Variants in LUZP2 observed in about 807,000 individuals in gnomAD.
LUZP2 encodes leucine zipper protein 2.
Under a neutral mutation model 51.6 loss-of-function variants are expected in LUZP2, and 52 were observed. The observed-to-expected ratio is 1.01, with a 90% CI of 0.81 to 1.27. The LOEUF is 1.27. Among genes scored for constraint, LUZP2 ranks in the 50% most tolerant of loss-of-function variants. The pLI, the probability that LUZP2 is intolerant of heterozygous loss-of-function variation, is 0.00. For missense variants in LUZP2, 436 were observed against 395.4 expected, an observed-to-expected ratio of 1.10 and a Z score of -0.87; for synonymous variants, 154 against 137.3, an observed-to-expected ratio of 1.12 and a Z score of -0.85.
chr11:24,604,187 G>T (rs1264273063), intron 1 of LUZP2, among the ~76,000 whole-genome samples: 1 of 151,690 alleles, frequency 6.6e-6, no homozygotes, highest in Non-Finnish European at 1.5e-5. Context: ...TAACAGTGTA[G>T]TCTGCTTTTT....
At chr11:24,834,169 C>T (rs1417981464) in intron 5 of LUZP2, among the ~76,000 whole-genome samples, 1 of 151,844 alleles carries the variant, frequency 6.6e-6, no homozygotes, top group Non-Finnish European at 1.5e-5. Context: ...TGGTGGTTTG[C>T]TGCACCTATC....
intron 3 of LUZP2, among the ~76,000 whole-genome samples, chr11:24,736,818 G>A (rs551714953): frequency 3.9e-5 from 6 of 151,994 alleles, no homozygotes; most frequent in Non-Finnish European, 7.4e-5. Flanking sequence ...GATGGAAGCT[G>A]TCACTCAGAA....
chr11:24,617,276 TG>T (rs1034962190), intron 1 of LUZP2, among the ~76,000 whole-genome samples: 13 of 152,140 alleles, frequency 8.5e-5, no homozygotes, highest in African/African-American at 2.9e-4. Flanking sequence ...TTTTTAACTT[TG>T]TTTTTTCTGT....
chr11:24,729,490 G>A (rs1030516281), intron 2 of LUZP2, among the ~76,000 whole-genome samples: 3 of 151,904 alleles, frequency 2.0e-5, no homozygotes, highest in Non-Finnish European at 4.4e-5. Context: ...ACAGAAATGG[G>A]AAAATTGTGT....
intron 5 of LUZP2, among the ~76,000 whole-genome samples, chr11:24,851,474 G>A (rs766189427): frequency 5.9e-5 from 9 of 152,248 alleles, no homozygotes; most frequent in Admixed American, 3.9e-4. Flanking sequence ...TAGTGGATAA[G>A]CTTTTTGATG....
At chr11:24,857,332 T>C (rs12276419) in intron 5 of LUZP2, among the ~76,000 whole-genome samples, 115 of 105,300 alleles carry the variant, frequency 1.1e-3, no homozygotes, top group African/African-American at 4.2e-3. Flanking sequence ...CACACACACA[T>C]ATATATATAA....
At chr11:24,673,479 G>T (rs1263213697) in intron 1 of LUZP2, among the ~76,000 whole-genome samples, 1 of 152,164 alleles carries the variant, frequency 6.6e-6, no homozygotes, top group Non-Finnish European at 1.5e-5. Context: ...GGTCATGGGT[G>T]TTAAGAGATT....
intron 9 of LUZP2, among the ~76,000 whole-genome samples, chr11:25,005,060 T>G (rs938386780): frequency 1.3e-5 from 2 of 152,192 alleles, no homozygotes; most frequent in African/African-American, 4.8e-5. Flanking sequence ...AGGTCTGCCT[T>G]GATCTGCTTT....
At chr11:24,905,812 T>C (rs537490221) in intron 5 of LUZP2, among the ~76,000 whole-genome samples, 179 bp from the exon 6 acceptor site, 2 of 152,328 alleles carry the variant, frequency 1.3e-5, no homozygotes, top group Admixed American at 6.5e-5. Context: ...CAAATTTTAA[T>C]TGAATAAAAA....
intron 5 of LUZP2, among the ~76,000 whole-genome samples, chr11:24,901,829 G>A (rs2133780030): frequency 6.6e-6 from 1 of 152,132 alleles, no homozygotes; most frequent in Non-Finnish European, 1.5e-5. Flanking sequence ...AGCTGTCTTT[G>A]CTATATTTTT....
chr11:24,773,021 T>G (rs1008311339), intron 5 of LUZP2, among the ~76,000 whole-genome samples: 1 of 151,930 alleles, frequency 6.6e-6, no homozygotes, highest in African/African-American at 2.4e-5. Context: ...AATTTTGGGG[T>G]GATACTATTA....
chr11:24,815,229 G>T (rs1850145578), intron 5 of LUZP2, among the ~76,000 whole-genome samples: 4 of 152,056 alleles, frequency 2.6e-5, no homozygotes. Context: ...TAATGTAATT[G>T]CAAAATGCAA....
chr11:24,879,242 CTG>C (rs1376962833), intron 5 of LUZP2, among the ~76,000 whole-genome samples: 2 of 152,158 alleles, frequency 1.3e-5, no homozygotes, highest in East Asian at 3.9e-4. Context: ...CCCTGCCCAG[CTG>C]ATCTCATTTA....
intron 1 of LUZP2, among the ~76,000 whole-genome samples, chr11:24,658,898 A>G (rs1855913300): frequency 6.6e-6 from 1 of 152,174 alleles, no homozygotes; most frequent in Admixed American, 6.6e-5. Flanking sequence ...TTAGAATGGC[A>G]ATCATTAAAA....
intron 1 of LUZP2, among the ~76,000 whole-genome samples, chr11:24,726,393 C>T (rs1395764336): frequency 6.6e-6 from 1 of 151,704 alleles, no homozygotes; most frequent in Non-Finnish European, 1.5e-5. Flanking sequence ...TTTACCAGCA[C>T]ATATTGAAAC....
chr11:24,584,653 C>T (rs1852995715), intron 1 of LUZP2, among the ~76,000 whole-genome samples: 1 of 152,088 alleles, frequency 6.6e-6, no homozygotes, highest in Non-Finnish European at 1.5e-5. Context: ...TGTGCTCTGG[C>T]ATGTGTGTGT....
At chr11:25,019,687 A>G (rs966571340) in intron 9 of LUZP2, among the ~76,000 whole-genome samples, 1 of 152,120 alleles carries the variant, frequency 6.6e-6, no homozygotes, top group Non-Finnish European at 1.5e-5. Flanking sequence ...TAGATGATGG[A>G]TTATTGTTTG....
At chr11:24,567,535 CA>C (rs1485263905) in intron 1 of LUZP2, among the ~76,000 whole-genome samples, 2 of 151,866 alleles carry the variant, frequency 1.3e-5, no homozygotes, top group East Asian at 3.9e-4. Context: ...ACACCATAGT[CA>C]AAATATTGAA....
intron 7 of LUZP2, among the ~76,000 whole-genome samples, chr11:24,932,299 T>TAG (rs1854477587): frequency 6.6e-6 from 1 of 152,170 alleles, no homozygotes; most frequent in Non-Finnish European, 1.5e-5. Context: ...GGATACAAGC[T>TAG]TGCTGTAGGG....
Sources: gnomAD v4.1 joint callset for allele counts (sites outside exome capture counted in the v4.1 genomes callset) on GRCh38, gnomAD v4.1.1 for gene constraint, MANE v1.5 for transcripts, NCBI Gene and HGNC (gene_info 2026-07-23, HGNC 2026-07-21) for gene names.